Variants in ITGB8 observed in about 807,000 individuals in gnomAD.
ITGB8 encodes integrin beta-8.
ITGB8 carries 30 observed loss-of-function variants against 89.5 expected under a neutral mutation model. The ratio of observed to expected loss-of-function variants is 0.34; its 90% CI spans 0.25 to 0.45. The LOEUF (loss-of-function observed/expected upper bound fraction) is 0.45. ITGB8 is among the 20% of genes least tolerant of loss of function. ITGB8 has a pLI of 1.00. For missense variants in ITGB8, 836 were observed against 933.3 expected, an observed-to-expected ratio of 0.90 and a Z score of 1.36; for synonymous variants, 335 against 320.4, an observed-to-expected ratio of 1.05 and a Z score of -0.49.
chr7:20,378,932 A>C, intron 3 of ITGB8, 119 bp from the exon 4 acceptor site: 1 of 584,062 alleles, frequency 1.7e-6, no homozygotes, highest in Non-Finnish European at 2.7e-6. Context: ...CATATTCCAA[A>C]TTTTATGTGC....
At chr7:20,339,706 T>C (rs1784690270) in intron 1 of ITGB8, among the ~76,000 whole-genome samples, 1 of 152,184 alleles carries the variant, frequency 6.6e-6, no homozygotes, top group Non-Finnish European at 1.5e-5. Context: ...GATGCTTCTA[T>C]TTTGAGTGCT....
chr7:20,376,684 C>T lies in ITGB8; in HGVS notation c.389-2367C>T, dbSNP rs554058288. On this transcript the variant is annotated intron_variant, in intron 3 of 13. Transcript: ENST00000222573. Reference sequence around the variant, plus strand: ...GGTTTCCTCCTTATCAAGCAGAGCACGATTTGGGGTCAGCCTAGCTAGGTC... The same window carrying T: ...GGTTTCCTCCTTATCAAGCAGAGCATGATTTGGGGTCAGCCTAGCTAGGTC... Among the ~76,000 whole-genome samples, 14 of 152,198 alleles carry T rather than the reference C, an allele frequency of 9.2e-5. No homozygotes were observed. The Middle Eastern group carries it at 0.01, about 111-fold the overall frequency.
At chr7:20,400,587 A>C (rs967347264) in intron 9 of ITGB8, among the ~76,000 whole-genome samples, 1 of 152,212 alleles carries the variant, frequency 6.6e-6, no homozygotes, top group Non-Finnish European at 1.5e-5. Context: ...ACGTGAAAGA[A>C]ATATACCTTC....
chr7:20,408,249 G>A (rs1787624927), intron 12 of ITGB8, among the ~76,000 whole-genome samples: 1 of 152,068 alleles, frequency 6.6e-6, no homozygotes, highest in Non-Finnish European at 1.5e-5. Context: ...CACCAATTTT[G>A]AGCAGAATAT....
In ITGB8 at chr7:20,410,050, T is replaced by G; in HGVS notation, c.*53T>G. 6.5e-7 allele frequency: 1 copy of G among 1,549,874 alleles called. No individual in the cohort carries two copies. ...AACTGGAATTGTTAATAATTGCTCC[T>G]AAAGATTATAATTTTAAAAGTCACA... is the stretch of plus-strand genomic sequence containing the variant. On this transcript the variant is annotated 3_prime_UTR_variant, in exon 14 of 14. Coordinates refer to ENST00000222573, the MANE Select transcript of ITGB8 (RefSeq NM_002214.3).
At chr7:20,368,770 T>TTATA (rs1785810277) in intron 3 of ITGB8, among the ~76,000 whole-genome samples, 1 of 152,220 alleles carries the variant, frequency 6.6e-6, no homozygotes, top group Non-Finnish European at 1.5e-5. Context: ...TATTTTAACG[T>TTATA]TATAGTTGCC....
intron 1 of ITGB8, among the ~76,000 whole-genome samples, chr7:20,359,648 T>C (rs952411571): frequency 2.6e-5 from 4 of 151,470 alleles, no homozygotes; most frequent in African/African-American, 9.7e-5. Context: ...TTTGTATGTG[T>C]GTTGTGGGAG....
intron 1 of ITGB8, among the ~76,000 whole-genome samples, chr7:20,350,301 C>A (rs1238060372): frequency 6.6e-6 from 1 of 152,134 alleles, no homozygotes; most frequent in African/African-American, 2.4e-5. Context: ...GTGCCCGCCA[C>A]CATGTCCGGC....
Position 20,381,773 on chromosome 7 carries a change from T to C in ITGB8, c.848T>C (p.Met283Thr), listed in dbSNP as rs1389953179. The part of the protein sequence containing the change: ...RKEAKRLLLV[M>T]TDQTSHLALD... The stretch of plus-strand genomic sequence containing the variant: ...GAGGCTAAAAGATTGCTGCTGGTGA[T>C]GACAGATCAGACGTCTCATCTCGCT... Residue 283 changes from methionine (M) to threonine (T), a missense_variant, in exon 6 of 14, where the codon ATG (methionine) becomes ACG (threonine). Around this residue, in one of 5 missense-constraint regions of ITGB8, gnomAD observed 192 missense variants for 267.1 expected, o/e 0.72. Coordinates refer to ENST00000222573, the MANE Select transcript of ITGB8 (RefSeq NM_002214.3). 1 of 1,613,968 alleles carries C rather than the reference T, an allele frequency of 6.2e-7. No individual in the cohort carries two copies.
At chr7:20,371,566 G>T (rs1163073984) in intron 3 of ITGB8, among the ~76,000 whole-genome samples, 1 of 152,054 alleles carries the variant, frequency 6.6e-6, no homozygotes, top group African/African-American at 2.4e-5. Flanking sequence ...CTACCTAATA[G>T]AAAATACGAA....
rs377221349 is a variant in ITGB8, at chr7:20,367,062, T to C, written c.264T>C (p.Asn88=). The change falls in exon 3 of 14, where the codon AAT becomes AAC. Residue 88 remains asparagine, a synonymous_variant. Transcript: ENST00000222573. Reference sequence around the variant, plus strand: ...GTGAACGTTGTGATATTGTTTCCAATTTAATAAGCAAAGGCTGCTCAGTTG... The same window carrying C: ...GTGAACGTTGTGATATTGTTTCCAACTTAATAAGCAAAGGCTGCTCAGTTG... ...SRSERCDIVS[N]LISKGCSVDS... The C allele has an allele frequency of 3.2e-5, 51 of 1,612,490 alleles. No homozygotes were observed. Among genetic ancestry groups the C allele is most frequent in the Non-Finnish European group, 4.3e-5 (51 of 1,179,314 alleles).
chr7:20,398,794 G>C, intron 8 of ITGB8, 66 bp from the exon 9 acceptor site: 2 of 1,147,406 alleles, frequency 1.7e-6, no homozygotes, highest in East Asian at 5.4e-5. Flanking sequence ...TAATAAGCTT[G>C]ACTCTGCTTT....
intron 3 of ITGB8, among the ~76,000 whole-genome samples, chr7:20,370,596 CTTA>C (rs1167602200): frequency 1.5e-5 from 2 of 136,634 alleles, no homozygotes; most frequent in Non-Finnish European, 3.2e-5. Flanking sequence ...TATTTATTTA[CTTA>C]TTTATTATTA....
chr7:20,391,427 T>C lies in ITGB8; in HGVS notation c.985T>C (p.Ser329Pro). The change falls in exon 7 of 14, where the codon TCA becomes CCA. Residue 329 changes from serine to proline, a missense_variant. Around this residue, in one of 5 missense-constraint regions of ITGB8, gnomAD observed 192 missense variants for 267.1 expected, o/e 0.72. Coordinates refer to ENST00000222573, the MANE Select transcript of ITGB8 (RefSeq NM_002214.3). Reference sequence around the variant, plus strand: ...GGAACACCCCTCACTAGGCCAACTTTCAGAGAAATTAATAGACAACAACAT... The same window carrying C: ...GGAACACCCCTCACTAGGCCAACTTCCAGAGAAATTAATAGACAACAACAT... ...TMEHPSLGQL[S>P]EKLIDNNINV... is the part of the protein sequence containing the mutation. 1 of 1,602,126 alleles carries C rather than the reference T, an allele frequency of 6.2e-7. No homozygotes were observed. The highest frequency in any genetic ancestry group is 1.3e-5 in the African/African-American group (1 of 74,532).
intron 5 of ITGB8, chr7:20,381,507 A>G: frequency 2.3e-6 from 1 of 429,040 alleles, no homozygotes; most frequent in South Asian, 4.5e-5. Context: ...GTGGAACACT[A>G]GAAATCTCTA....
chr7:20,337,661 C>G (rs1279904558), intron 1 of ITGB8, among the ~76,000 whole-genome samples: 1 of 152,152 alleles, frequency 6.6e-6, no homozygotes, highest in African/African-American at 2.4e-5. Flanking sequence ...GAATTCCGAT[C>G]TGTGTGGTTT....
rs988564206 is a variant in ITGB8, at chr7:20,379,142, C to T, written c.480C>T (p.His160=). The T allele has an allele frequency of 1.2e-6, 2 of 1,607,166 alleles. No individual in the cohort carries two copies. Among genetic ancestry groups the T allele is most frequent in the Non-Finnish European group, 1.7e-6 (2 of 1,175,832 alleles). ...TTGTTGATGTCTCAGCATCAATGCA[C>T]AATAATATAGAAAAATTAAATTCCG... The part of the protein sequence containing the change: ...YYLVDVSASM[H]NNIEKLNSVG... The change falls in exon 4 of 14, where the codon CAC becomes CAT. Residue 160 remains histidine (H), a synonymous_variant. Transcript: ENST00000222573.
intron 6 of ITGB8, among the ~76,000 whole-genome samples, chr7:20,383,732 A>G (rs559403490): frequency 9.2e-5 from 14 of 152,304 alleles, no homozygotes; most frequent in African/African-American, 3.4e-4. Context: ...GAAATAAGTT[A>G]TAAGTCCAGT....
intron 12 of ITGB8, among the ~76,000 whole-genome samples, chr7:20,407,184 G>A (rs557956721): frequency 5.9e-5 from 9 of 152,114 alleles, no homozygotes; most frequent in Non-Finnish European, 1.2e-4. Context: ...CGTTGCATGG[G>A]AATTCAGCTG....
Sources: allele counts gnomAD v4.1 joint callset (sites outside exome capture counted in the v4.1 genomes callset), GRCh38; gene constraint gnomAD v4.1.1; regional missense constraint gnomAD v4.1.1; transcripts MANE v1.5; gene names NCBI Gene and HGNC (gene_info 2026-07-23, HGNC 2026-07-21).